KCNK5: variants seen among roughly 807,000 people sequenced by gnomAD.
KCNK5 encodes potassium two pore domain channel subfamily K member 5.
Under a neutral mutation model 32.9 loss-of-function variants are expected in KCNK5, and 18 were observed. The ratio of observed to expected loss-of-function variants is 0.55; its 90% CI spans 0.38 to 0.81. The LOEUF (loss-of-function observed/expected upper bound fraction) is 0.81. Among genes scored for constraint, KCNK5 ranks in the 30% least tolerant of loss-of-function variants. The probability of loss-of-function intolerance (pLI) is 0.00; values close to 1 mark genes in which losing one functional copy is unlikely to be tolerated. For synonymous variants in KCNK5, 276 were observed against 275.3 expected, an observed-to-expected ratio of 1.00 and a Z score of -0.03; for missense variants, 507 against 651.0, an observed-to-expected ratio of 0.78 and a Z score of 2.41.
In KCNK5 at chr6:39,191,581, G is replaced by A. The variant is rs757244641; in HGVS notation, c.809C>T (p.Ser270Phe). ...RRRRKESFESSPHSRKALQVK... is the reference protein window; with the variant it reads ...RRRRKESFESFPHSRKALQVK... ...CTGCAGGGCCTTCCGGGAGTGTGGG[G>A]AGCTCTCAAAGGACTCCTTCCGTCG... is the stretch of plus-strand genomic sequence containing the variant. The change falls in exon 5 of 5, where the codon TCC becomes TTC. Residue 270 changes from serine to phenylalanine, a missense_variant. Physicochemically the swap from Ser to Phe is radical, Grantham distance 155. Transcript: ENST00000359534. The surrounding 1 kb of genome is among the most constrained non-coding windows in gnomAD (Gnocchi z 5.8). 4.3e-5 allele frequency: 70 copies of A among 1,613,866 alleles called. No homozygotes were observed. The highest frequency in any genetic ancestry group is 5.6e-5 in the Non-Finnish European group (66 of 1,180,032).
chr6:39,214,679 G>A (rs983439300), intron 1 of KCNK5, among the ~76,000 whole-genome samples: 17 of 152,150 alleles, frequency 1.1e-4, no homozygotes, highest in African/African-American at 3.9e-4. Flanking sequence ...AGAGAAGGGT[G>A]CAGACCAGGC....
intron 1 of KCNK5, among the ~76,000 whole-genome samples, chr6:39,228,345 A>G (rs1368695289): frequency 3.9e-5 from 6 of 152,166 alleles, no homozygotes; most frequent in Non-Finnish European, 5.9e-5. Context: ...CATTCCAGGC[A>G]CCAGCCCTCA....
rs531656479 is a variant in KCNK5, at chr6:39,194,455, C to T, written c.466-118G>A. 3.1e-5 allele frequency: 44 copies of T among 1,427,228 alleles called. No individual in the cohort carries two copies. Among genetic ancestry groups the T allele is most frequent in the Middle Eastern group, 1.8e-4 (1 of 5,418 alleles). 88.4% of individuals were successfully genotyped at this position (1,427,228 alleles called of 1,614,324 possible). ...AGCTAGCTGGGTACCCAGCCTGACC[C>T]GGGAGGGCAAGGAGCTCTGAAACTA... is the stretch of plus-strand genomic sequence containing the variant. On this transcript the variant is annotated intron_variant, in intron 3 of 4. Transcript: ENST00000359534. This position sits in a 1 kb window ranked among gnomAD's most constrained non-coding sequence, Gnocchi z 4.7.
chr6:39,210,653 TG>T (rs1447582714), intron 1 of KCNK5, among the ~76,000 whole-genome samples: 1 of 152,150 alleles, frequency 6.6e-6, no homozygotes, highest in Admixed American at 6.5e-5. Flanking sequence ...GCCCAGGCAC[TG>T]GGCAAAATAA....
Position 39,191,153 on chromosome 6 carries a change from G to A in KCNK5, c.1237C>T (p.Leu413Phe). The change falls in exon 5 of 5, where the codon CTC becomes TTC. Residue 413 changes from leucine (L) to phenylalanine (F), a missense_variant. Leu to Phe is a conservative substitution (Grantham distance 22, BLOSUM62 0). This residue lies in a region of KCNK5 where 252 missense variants were observed against 250.8 expected (regional missense o/e 1.00). Coordinates refer to ENST00000359534, the MANE Select transcript of KCNK5 (RefSeq NM_003740.4). This position sits in a 1 kb window ranked among gnomAD's most constrained non-coding sequence, Gnocchi z 5.8. ...EPWDAQDYHPLIFQDASITFV... is the reference protein window; with the variant it reads ...EPWDAQDYHPFIFQDASITFV... ...GTGATGCTGGCGTCCTGGAAGATGA[G>A]TGGGTGGTAGTCCTGGGCGTCCCAT... 1 of 1,614,236 alleles carries A rather than the reference G, an allele frequency of 6.2e-7. No homozygotes were observed. The highest frequency in any genetic ancestry group is 8.5e-7 in the Non-Finnish European group (1 of 1,180,036).
At chr6:39,219,059 T>C (rs569627942) in intron 1 of KCNK5, among the ~76,000 whole-genome samples, 4 of 152,280 alleles carry the variant, frequency 2.6e-5, no homozygotes, top group Non-Finnish European at 5.9e-5. Context: ...GTTTGCTCTG[T>C]CTCAAGTTCC....
intron 4 of KCNK5, among the ~76,000 whole-genome samples, chr6:39,192,538 A>AT (rs1319370155): frequency 1.3e-5 from 2 of 152,190 alleles, no homozygotes; most frequent in African/African-American, 4.8e-5. Flanking sequence ...ACACTGGTGG[A>AT]TTACAAACAA....
In KCNK5 at chr6:39,192,092, G is replaced by A. The variant is rs57500036; in HGVS notation, c.635-337C>T. 1.1e-3 allele frequency among the ~76,000 whole-genome samples: 165 copies of A among 151,972 alleles called. 2 individuals are homozygous for A. The highest frequency in any genetic ancestry group is 3.9e-3 in the African/African-American group (160 of 41,478). On this transcript the variant is annotated intron_variant, in intron 4 of 4. Coordinates refer to ENST00000359534, the MANE Select transcript of KCNK5 (RefSeq NM_003740.4). ...GTGGATCACTTGAGGTCAGGAGTTC[G>A]AAACCAGTCTGACCAACATGGTAAA...
rs573445955 is a variant in KCNK5, at chr6:39,205,328, C to T, written c.187-9341G>A. ...TGGGCCTGGGGAGCAGGAAAGAGCC[C>T]CCTCCCTCTCAAACACACATACCAG... is the stretch of plus-strand genomic sequence containing the variant. On this transcript the variant is annotated intron_variant, in intron 1 of 4. Transcript: ENST00000359534. Among the ~76,000 whole-genome samples the T allele has an allele frequency of 5.8e-4, 89 of 152,248 alleles. 1 individual carries two copies. Among genetic ancestry groups the T allele is most frequent in the Middle Eastern group, 3.4e-3 (1 of 294 alleles).
intron 1 of KCNK5, among the ~76,000 whole-genome samples, chr6:39,201,752 TAA>T (rs1771136951): frequency 6.6e-6 from 1 of 152,234 alleles, no homozygotes; most frequent in Non-Finnish European, 1.5e-5. Context: ...ATTTCATAAA[TAA>T]TACATTGATA....
intron 1 of KCNK5, among the ~76,000 whole-genome samples, chr6:39,197,478 G>A (rs1215384380): frequency 6.6e-6 from 1 of 152,202 alleles, no homozygotes; most frequent in East Asian, 1.9e-4. Context: ...GGAAAGTGGG[G>A]ACCATCGCAT....
intron 1 of KCNK5, among the ~76,000 whole-genome samples, chr6:39,203,656 A>T (rs998024088): frequency 1.3e-5 from 2 of 152,134 alleles, no homozygotes; most frequent in Non-Finnish European, 2.9e-5. Flanking sequence ...CAGCGTGAAC[A>T]TGAAGCAAGA....
At chr6:39,226,842 G>A (rs191223395) in intron 1 of KCNK5, among the ~76,000 whole-genome samples, 64 of 152,238 alleles carry the variant, frequency 4.2e-4, no homozygotes, top group Non-Finnish European at 2.9e-5. Context: ...GGTTGGTTTG[G>A]GAGTTTCTTT....
rs1350516832 is a variant in KCNK5, at chr6:39,189,636, C to T, written c.*1254G>A. The T allele has an allele frequency of 6.5e-6, 1 of 152,684 alleles. No homozygotes were observed. The highest frequency in any genetic ancestry group is 1.5e-5 in the Non-Finnish European group (1 of 68,056). 9.5% of individuals were successfully genotyped at this position (152,684 alleles called of 1,614,324 possible). A position where few individuals can be genotyped will look rare whatever the true frequency, so the allele number is the denominator to read the frequency against. On this transcript the variant is annotated 3_prime_UTR_variant, in exon 5 of 5. Coordinates refer to ENST00000359534, the MANE Select transcript of KCNK5 (RefSeq NM_003740.4). ...GAACATCATGGAGAACCCAAGAACTCTAGTAGCAGCAAGTTCTGCCCACCC... is the reference window on the plus strand; with the variant it reads ...GAACATCATGGAGAACCCAAGAACTTTAGTAGCAGCAAGTTCTGCCCACCC...
chr6:39,228,207 C>T (rs1316696359), intron 1 of KCNK5, among the ~76,000 whole-genome samples: 1 of 152,210 alleles, frequency 6.6e-6, no homozygotes, highest in African/African-American at 2.4e-5. Flanking sequence ...CTCTCCTCCC[C>T]CATCATAAAG....
At chr6:39,205,202 G>A (rs548151756) in intron 1 of KCNK5, among the ~76,000 whole-genome samples, 4 of 152,266 alleles carry the variant, frequency 2.6e-5, no homozygotes, top group Middle Eastern at 3.4e-3. Context: ...CTGGAGGGCT[G>A]AGCTGATCAG....
chr6:39,228,949 C>T lies in KCNK5; in HGVS notation c.163G>A (p.Glu55Lys). The T allele has an allele frequency of 6.2e-7, 1 of 1,614,180 alleles. No individual in the cohort carries two copies. The highest frequency in any genetic ancestry group is 8.5e-7 in the Non-Finnish European group (1 of 1,180,032). The part of the protein sequence containing the change: ...LLKEFPCLGQ[E>K]GLDKILEVVS... ...ACCTCTAGGATCTTGTCCAGGCCCT[C>T]CTGACCCAGGCACGGGAACTCCTTG... Residue 55 changes from glutamate (E) to lysine (K), a missense_variant, in exon 1 of 5, where the codon GAG becomes AAG. Glu to Lys is a moderately conservative substitution (Grantham distance 56). Transcript: ENST00000359534.
intron 4 of KCNK5, among the ~76,000 whole-genome samples, chr6:39,192,103 G>A (rs1311088379): frequency 2.0e-5 from 3 of 151,916 alleles, no homozygotes; most frequent in Non-Finnish European, 4.4e-5. Context: ...AAACCAGTCT[G>A]ACCAACATGG....
Position 39,195,844 on chromosome 6 carries a change from T to C in KCNK5, c.298+32A>G, listed in dbSNP as rs761363969. 7 of 1,534,008 alleles carry C rather than the reference T, an allele frequency of 4.6e-6. No homozygotes were observed. The Admixed American group carries it at 6.7e-5, about 15-fold the overall frequency. On this transcript the variant is annotated intron_variant, in intron 2 of 4. Transcript: ENST00000359534. ...AGGTTCTGAGGAGCTAGGGCATGGA[T>C]GTGGGTGTCCTACAGGTCCCAGAAG...
Sources: gnomAD v4.1 joint callset for allele counts (sites outside exome capture counted in the v4.1 genomes callset) on GRCh38, gnomAD v4.1.1 for gene constraint, gnomAD v4.1.1 regional missense constraint, Gnocchi (gnomAD v3.1) non-coding constraint, MANE v1.5 for transcripts, NCBI Gene and HGNC (gene_info 2026-07-23, HGNC 2026-07-21) for gene names.